The following IPO7 variants were observed in gnomAD, a reference collection of about 807,000 sequenced individuals.
IPO7 encodes the protein importin-7.
IPO7 carries 13 observed loss-of-function variants against 136.4 expected under a neutral mutation model. The observed-to-expected ratio is 0.10, with a 90% CI of 0.06 to 0.15. The LOEUF (loss-of-function observed/expected upper bound fraction) is 0.15, where lower values mean the gene tolerates loss of function less well. IPO7 is among the 10% of genes least tolerant of loss of function. The pLI, the probability that IPO7 is intolerant of heterozygous loss-of-function variation, is 1.00. For synonymous variants in IPO7, 403 were observed against 404.4 expected (o/e 1.00, Z 0.04); for missense variants, 857 against 1,240.6 (o/e 0.69, Z 4.65).
Position 9,447,003 on chromosome 11 carries a change from G to A in IPO7, c.*1809G>A, listed in dbSNP as rs1015395462. ...CTGTATACCCTAGGTTGCTTAAAGG[G>A]ATTTCACTATTATATAAAGTCAATA... On this transcript the variant is annotated 3_prime_UTR_variant, in exon 25 of 25. Coordinates refer to ENST00000379719, the MANE Select transcript of IPO7 (RefSeq NM_006391.3). 6.6e-6 allele frequency: 1 copy of A among 152,094 alleles called. No homozygotes were observed. Among genetic ancestry groups the A allele is most frequent in the East Asian group, 1.9e-4 (1 of 5,192 alleles). The allele number at this position is 152,094 out of a possible 1,614,324, so 9.4% of individuals were successfully genotyped here. A position where few individuals can be genotyped will look rare whatever the true frequency, so the allele number is the denominator to read the frequency against.
intron 15 of IPO7, 158 bp from the exon 16 acceptor site, chr11:9,430,717 G>A (rs562692000): frequency 3.2e-6 from 2 of 634,446 alleles, no homozygotes; most frequent in Admixed American, 6.1e-5. Context: ...CAGACTATTT[G>A]ATTATAGAGC....
At chr11:9,432,766 T>C (rs1436228124) in intron 16 of IPO7, among the ~76,000 whole-genome samples, 1 of 152,166 alleles carries the variant, frequency 6.6e-6, no homozygotes, top group Admixed American at 6.5e-5. Flanking sequence ...TAGAGGAATT[T>C]GTATTTCTTG....
At position 9,423,006 on chromosome 11, in the gene IPO7, GT is replaced by G; in HGVS notation, c.911del (p.Leu304TyrfsTer2). ...LKAFAVGVQQ[V>X]LLKVLYQYKE... is the part of the protein sequence containing the mutation. ...TTGTGATCGAAAATTTTTTTCCAAG[GT>G]TTTATTGAAGGTGTTATATCAGTAC... On this transcript the variant is annotated frameshift_variant and splice_region_variant, in exon 9 of 25. Transcript: ENST00000379719. LOFTEE classifies it high-confidence loss of function. 6.6e-7 allele frequency: 1 copy of G among 1,525,466 alleles called. No individual in the cohort carries two copies. The highest frequency in any genetic ancestry group is 8.8e-7 in the Non-Finnish European group (1 of 1,134,350). 94.5% of individuals were successfully genotyped at this position (1,525,466 alleles called of 1,614,324 possible).
At chr11:9,403,095 C>G in intron 1 of IPO7, 195 bp from the exon 2 acceptor site, 1 of 598,208 alleles carries the variant, frequency 1.7e-6, no homozygotes, top group Non-Finnish European at 2.9e-6. Context: ...TGAAAACATC[C>G]AAAAAGTTTT....
chr11:9,396,375 G>T (rs1271023893), intron 1 of IPO7, among the ~76,000 whole-genome samples: 2 of 152,158 alleles, frequency 1.3e-5, no homozygotes, highest in African/African-American at 4.8e-5. Flanking sequence ...CGGCCAGGGA[G>T]ACAAAGCGAG....
At chr11:9,405,913 A>G (rs1854876171) in intron 2 of IPO7, among the ~76,000 whole-genome samples, 1 of 147,050 alleles carries the variant, frequency 6.8e-6, no homozygotes, top group African/African-American at 2.5e-5. Context: ...TGTCTTCCAC[A>G]GGGTCTTGAT....
chr11:9,401,994 C>T (rs12795344), intron 1 of IPO7, among the ~76,000 whole-genome samples: 77,347 of 152,046 alleles, frequency 0.51, 21,911 homozygotes, highest in Non-Finnish European at 0.64. Context: ...TTATTGATTT[C>T]GTATGTGTCT....
At chr11:9,444,019 A>G (rs984617036) in intron 24 of IPO7, among the ~76,000 whole-genome samples, 2 of 152,138 alleles carry the variant, frequency 1.3e-5, no homozygotes, top group African/African-American at 4.8e-5. Flanking sequence ...TCACGCCTAT[A>G]ATCCCAGCAC....
intron 18 of IPO7, 40 bp from the exon 19 acceptor site, chr11:9,434,894 G>T (rs761519803): frequency 7.8e-7 from 1 of 1,282,664 alleles, no homozygotes; most frequent in Non-Finnish European, 1.1e-6. Context: ...AAGCATTTGT[G>T]TTACTAAAGA....
chr11:9,402,178 G>C (rs1854806375), intron 1 of IPO7, among the ~76,000 whole-genome samples: 1 of 152,042 alleles, frequency 6.6e-6, no homozygotes, highest in Non-Finnish European at 1.5e-5. Flanking sequence ...AAGGCGGGCA[G>C]ATCACAAGGT....
chr11:9,393,076 GT>G (rs1854659534), intron 1 of IPO7, among the ~76,000 whole-genome samples: 1 of 152,094 alleles, frequency 6.6e-6, no homozygotes, highest in Non-Finnish European at 1.5e-5. Flanking sequence ...CATACAGAGT[GT>G]CTAGTTTGAG....
intron 24 of IPO7, among the ~76,000 whole-genome samples, chr11:9,443,830 G>T (rs919096720): frequency 2.0e-5 from 3 of 151,596 alleles, no homozygotes; most frequent in African/African-American, 7.3e-5. Flanking sequence ...AATGTGGGAG[G>T]TGTAGGTTAT....
In IPO7 at chr11:9,415,546, G is replaced by T. The variant is rs1187143301; in HGVS notation, c.636+1135G>T. 3.3e-5 allele frequency among the ~76,000 whole-genome samples: 5 copies of T among 152,060 alleles called. No homozygotes were observed. In the East Asian group the frequency reaches 9.8e-4, roughly 30 times the overall value. ...TCTAGGATAAAAGATACCCACTACA[G>T]AAATGGTTGGGGCCGGGCGTGATGG... On this transcript the variant is annotated intron_variant, in intron 5 of 24. Transcript: ENST00000379719.
intron 22 of IPO7, among the ~76,000 whole-genome samples, chr11:9,440,046 T>C (rs1855439996): frequency 6.6e-6 from 1 of 152,230 alleles, no homozygotes; most frequent in Non-Finnish European, 1.5e-5. Flanking sequence ...TATAAGACTG[T>C]ACACTATCAG....
intron 1 of IPO7, among the ~76,000 whole-genome samples, chr11:9,385,457 C>G (rs1441212005): frequency 6.6e-6 from 1 of 152,134 alleles, no homozygotes; most frequent in Admixed American, 6.6e-5. Context: ...GAGTCTGATC[C>G]CTGCTTTTCC....
chr11:9,436,281 G>A lies in IPO7; in HGVS notation c.2183G>A (p.Gly728Glu), dbSNP rs748930154. ...TTCTGTTTTGATCAGGTTCTTACAG[G>A]AGTTGCAGGAGAAGATGCAGAGTGT... ...IYSMCKKVLT[G>E]VAGEDAECHA... Residue 728 changes from glycine (G) to glutamate (E), a missense_variant, in exon 20 of 25, where the codon GGA becomes GAA. By Grantham distance (98) the Gly-to-Glu change is moderately conservative. Transcript: ENST00000379719. 1 of 1,611,992 alleles carries A rather than the reference G, an allele frequency of 6.2e-7. No individual in the cohort carries two copies. The highest frequency in any genetic ancestry group is 8.5e-7 in the Non-Finnish European group (1 of 1,178,084).
chr11:9,404,557 C>G (rs925327803), intron 2 of IPO7, among the ~76,000 whole-genome samples: 5 of 146,018 alleles, frequency 3.4e-5, no homozygotes, highest in Admixed American at 7.2e-5. Flanking sequence ...TAGTTCCGGT[C>G]TTCGGATTTT....
chr11:9,422,410 T>G (rs1564999383), intron 8 of IPO7, among the ~76,000 whole-genome samples: 2 of 151,322 alleles, frequency 1.3e-5, no homozygotes, highest in Non-Finnish European at 3.0e-5. Flanking sequence ...ACAGTTTTGT[T>G]TTTTTTTTTA....
chr11:9,428,857 C>CA (rs1434523933), intron 13 of IPO7, 174 bp from the exon 14 acceptor site: 1 of 793,794 alleles, frequency 1.3e-6, no homozygotes, highest in Non-Finnish European at 2.3e-6. Context: ...TCCACACAAA[C>CA]ATCATGCGGC....
Sources: allele counts gnomAD v4.1 joint callset (sites outside exome capture counted in the v4.1 genomes callset), GRCh38; gene constraint gnomAD v4.1.1; transcripts MANE v1.5; gene names NCBI Gene and HGNC (gene_info 2026-07-23, HGNC 2026-07-21).